The following DRGX variants were observed in gnomAD, a reference collection of about 807,000 sequenced individuals.
The protein encoded by DRGX is dorsal root ganglia homeobox protein.
DRGX carries 21 observed loss-of-function variants against 28.6 expected under a neutral mutation model. The observed-to-expected ratio is 0.73, with a 90% CI of 0.52 to 1.06. DRGX has a LOEUF of 1.06. Among genes scored for constraint, DRGX ranks in the 50% least tolerant of loss-of-function variants. The pLI is 0.00. For synonymous variants in DRGX, 136 were observed against 139.1 expected, an observed-to-expected ratio of 0.98 and a Z score of 0.16; for missense variants, 354 against 343.9, an observed-to-expected ratio of 1.03 and a Z score of -0.23.
chr10:49,386,972 A>C, intron 4 of DRGX, 114 bp from the exon 5 acceptor site: 3 of 1,250,992 alleles, frequency 2.4e-6, no homozygotes, highest in Non-Finnish European at 3.2e-6. Flanking sequence ...TCTCCACACC[A>C]TGCCCTCTGA....
At chr10:49,390,751 A>G (rs556269993) in intron 3 of DRGX, among the ~76,000 whole-genome samples, 1 of 152,312 alleles carries the variant, frequency 6.6e-6, no homozygotes, top group South Asian at 2.1e-4. Context: ...TCAAGGTCCC[A>G]GTTGTAGCCC....
chr10:49,384,911 C>T (rs191307137), intron 6 of DRGX, among the ~76,000 whole-genome samples: 4 of 152,276 alleles, frequency 2.6e-5, no homozygotes, highest in Non-Finnish European at 4.4e-5. Flanking sequence ...GTAGGGCGAG[C>T]GACCCTCATT....
intron 6 of DRGX, among the ~76,000 whole-genome samples, chr10:49,369,022 C>T (rs957511638): frequency 4.6e-5 from 7 of 152,100 alleles, no homozygotes; most frequent in Admixed American, 1.3e-4. Context: ...GGTATTAACC[C>T]AGTCAAGAGC....
chr10:49,380,651 C>T (rs1231619916), intron 6 of DRGX, among the ~76,000 whole-genome samples: 2 of 152,172 alleles, frequency 1.3e-5, no homozygotes, highest in Admixed American at 1.3e-4. Context: ...GCTTGAAGCC[C>T]CAGGGAGCCC....
At chr10:49,377,729 GC>G (rs1446114833) in intron 6 of DRGX, among the ~76,000 whole-genome samples, 1 of 152,174 alleles carries the variant, frequency 6.6e-6, no homozygotes, top group Non-Finnish European at 1.5e-5. Context: ...AGGCACAGCT[GC>G]CATCTGACTG....
intron 6 of DRGX, among the ~76,000 whole-genome samples, chr10:49,379,914 C>A (rs1849756068): frequency 6.6e-6 from 1 of 152,246 alleles, no homozygotes; most frequent in Non-Finnish European, 1.5e-5. Flanking sequence ...ACACTCCTCC[C>A]AGCCTGGGCC....
chr10:49,379,503 G>T (rs1348282826), intron 6 of DRGX, among the ~76,000 whole-genome samples: 1 of 152,170 alleles, frequency 6.6e-6, no homozygotes, highest in African/African-American at 2.4e-5. Flanking sequence ...GTTTTGGGGG[G>T]CCTCAGAGGA....
In DRGX at chr10:49,390,168, C is replaced by A. The variant is rs764345451; in HGVS notation, c.199G>T (p.Ala67Ser). 10 of 1,612,928 alleles carry A rather than the reference C, an allele frequency of 6.2e-6. No individual in the cohort carries two copies. Among genetic ancestry groups the A allele is most frequent in the Admixed American group, 1.7e-5 (1 of 59,906 alleles). ...GCTTCTGTGAGGTTTATTTTCATGG[C>A]GAGCTCTTCTCTGGTGAAGACATCT... ...YPDVFTREEL[A>S]MKINLTEARV... The change falls in exon 4 of 7, where the codon GCC becomes TCC. Residue 67 changes from alanine to serine, a missense_variant. Ala to Ser is a moderately conservative substitution (Grantham distance 99). Transcript: ENST00000374139.
chr10:49,384,001 C>T (rs1849805028), intron 6 of DRGX, among the ~76,000 whole-genome samples: 1 of 152,248 alleles, frequency 6.6e-6, no homozygotes, highest in South Asian at 2.1e-4. Context: ...TCCACGTTCC[C>T]ACGCAGCCAC....
At chr10:49,386,015 A>G (rs1768284987) in intron 6 of DRGX, among the ~76,000 whole-genome samples, 1 of 151,806 alleles carries the variant, frequency 6.6e-6, no homozygotes, top group African/African-American at 2.4e-5. Flanking sequence ...CCGAGAAGAG[A>G]GCACATACTG....
chr10:49,369,773 GATT>G (rs1564704254), intron 6 of DRGX, among the ~76,000 whole-genome samples: 1 of 149,992 alleles, frequency 6.7e-6, no homozygotes, highest in African/African-American at 2.5e-5. Context: ...AAGAAAATAA[GATT>G]TTTTTTTTTT....
intron 6 of DRGX, among the ~76,000 whole-genome samples, chr10:49,373,218 C>A (rs1463617109): frequency 6.6e-6 from 1 of 152,116 alleles, no homozygotes; most frequent in Non-Finnish European, 1.5e-5. Context: ...TAATAGGGAA[C>A]TGGCTGAATA....
At chr10:49,378,623 C>T (rs1443240284) in intron 6 of DRGX, among the ~76,000 whole-genome samples, 1 of 152,160 alleles carries the variant, frequency 6.6e-6, no homozygotes, top group Non-Finnish European at 1.5e-5. Context: ...CTGTTTTCAC[C>T]ACTTCTGTTC....
intron 6 of DRGX, among the ~76,000 whole-genome samples, chr10:49,375,215 A>G (rs912227840): frequency 5.3e-5 from 8 of 152,110 alleles, no homozygotes; most frequent in Admixed American, 2.0e-4. Flanking sequence ...TTGTCTTTTC[A>G]CCATGAGCCG....
intron 4 of DRGX, among the ~76,000 whole-genome samples, chr10:49,387,278 G>A (rs889528406): frequency 6.6e-6 from 1 of 152,198 alleles, no homozygotes; most frequent in Non-Finnish European, 1.5e-5. Context: ...GTACCTGGGT[G>A]TGTCTGGTCT....
intron 2 of DRGX, among the ~76,000 whole-genome samples, chr10:49,394,614 C>G (rs1849945601): frequency 6.6e-6 from 1 of 152,202 alleles, no homozygotes; most frequent in African/African-American, 2.4e-5. Context: ...ATCCTTGGAT[C>G]CCTCGGGTCC....
chr10:49,391,762 G>A, intron 2 of DRGX: 1 of 478,168 alleles, frequency 2.1e-6, no homozygotes, highest in Non-Finnish European at 4.3e-6. Context: ...AACACCAAGA[G>A]CTTTTCACGG....
At chr10:49,380,040 T>C (rs893789446) in intron 6 of DRGX, among the ~76,000 whole-genome samples, 1 of 152,216 alleles carries the variant, frequency 6.6e-6, no homozygotes, top group Admixed American at 6.5e-5. Context: ...GCTCTGACTC[T>C]AGGGAACCAC....
intron 6 of DRGX, among the ~76,000 whole-genome samples, chr10:49,368,589 T>C (rs1849623496): frequency 6.6e-6 from 1 of 152,256 alleles, no homozygotes; most frequent in Non-Finnish European, 1.5e-5. Context: ...GCTATGAGCC[T>C]CAGTCCTTCC....
Sources: gnomAD v4.1 joint callset for allele counts (sites outside exome capture counted in the v4.1 genomes callset) on GRCh38, gnomAD v4.1.1 for gene constraint, MANE v1.5 for transcripts, NCBI Gene and HGNC (gene_info 2026-07-23, HGNC 2026-07-21) for gene names.